TOPAZ1: variants seen among roughly 807,000 people sequenced by gnomAD.
TOPAZ1 encodes protein TOPAZ1.
Under a neutral mutation model 172.2 loss-of-function variants are expected in TOPAZ1, and 66 were observed. That is an observed-to-expected ratio of 0.38 (90% CI 0.31 to 0.47). The LOEUF is 0.47. Among genes scored for constraint, TOPAZ1 ranks in the 20% least tolerant of loss-of-function variants. The pLI, the probability that TOPAZ1 is intolerant of heterozygous loss-of-function variation, is 0.99. For synonymous variants in TOPAZ1, 681 were observed against 683.9 expected (o/e 1.00, Z 0.07); for missense variants, 1,822 against 1,972.4 (o/e 0.92, Z 1.44).
At chr3:44,269,410 C>G in intron 7 of TOPAZ1, 109 bp downstream of exon 7, 1 of 559,024 alleles carries the variant, frequency 1.8e-6, no homozygotes, top group South Asian at 2.1e-5. Flanking sequence ...TTTATCCTCC[C>G]CTTAAAAAAA....
At chr3:44,289,491 T>TA (rs1700113852) in intron 11 of TOPAZ1, among the ~76,000 whole-genome samples, 1 of 152,130 alleles carries the variant, frequency 6.6e-6, no homozygotes, top group Admixed American at 6.6e-5. Context: ...GATTTTTTTT[T>TA]ACCAAAACTA....
intron 19 of TOPAZ1, among the ~76,000 whole-genome samples, chr3:44,329,468 C>G (rs1700639880): frequency 6.6e-6 from 1 of 152,124 alleles, no homozygotes; most frequent in Admixed American, 6.6e-5. Flanking sequence ...CTAATTTCTC[C>G]CAGAATGAGT....
intron 16 of TOPAZ1, among the ~76,000 whole-genome samples, chr3:44,314,551 A>G: frequency 6.6e-6 from 1 of 152,070 alleles, no homozygotes; most frequent in Non-Finnish European, 1.5e-5. Flanking sequence ...CTGTATTTTT[A>G]ACTACTACAC....
chr3:44,272,438 TC>T lies in TOPAZ1; in HGVS notation c.3372+1629del, dbSNP rs536229443. Among the ~76,000 whole-genome samples, 11 of 152,370 alleles carry T rather than the reference TC, an allele frequency of 7.2e-5. No individual in the cohort carries two copies. The South Asian group carries it at 2.3e-3, about 32-fold the overall frequency. On this transcript the variant is annotated intron_variant, in intron 8 of 19. Transcript: ENST00000309765. ...TGTTTGTCTTTTTGATAATAGCCAT[TC>T]TGACAGATGTCAGGTAATATCTCAC...
chr3:44,284,450 T>C (rs1700056958), intron 9 of TOPAZ1, among the ~76,000 whole-genome samples: 1 of 152,240 alleles, frequency 6.6e-6, no homozygotes, highest in African/African-American at 2.4e-5. Flanking sequence ...TATCAGAATT[T>C]CCTTCCTTTT....
At chr3:44,287,901 A>AT (rs1035650761) in intron 11 of TOPAZ1, 62 bp downstream of exon 11, 7 of 794,510 alleles carry the variant, frequency 8.8e-6, no homozygotes, top group Non-Finnish European at 9.7e-6. Context: ...AATTGTTTCC[A>AT]TGGGGGGGTA....
intron 16 of TOPAZ1, among the ~76,000 whole-genome samples, chr3:44,316,975 A>G (rs140717721): frequency 1.1e-4 from 17 of 152,230 alleles, no homozygotes; most frequent in Admixed American, 2.6e-4. Flanking sequence ...ATATTTGTCT[A>G]TCCTCTCTCC....
rs1320092028 is a variant in TOPAZ1 at position 44,321,293 on chromosome 3, C to A, written c.4471+102C>A. On this transcript the variant is annotated intron_variant, in intron 17 of 19. Coordinates refer to ENST00000309765, the MANE Select transcript of TOPAZ1 (RefSeq NM_001145030.2). The stretch of plus-strand genomic sequence containing the variant: ...CCTGTTTTGATTGAGTTTTATATTC[C>A]AGCATATTTTTTAATGAAGTAGTTT... The A allele has an allele frequency of 1.6e-5, 13 of 800,278 alleles. No homozygotes were observed. In the Admixed American group the frequency reaches 3.5e-4, roughly 21 times the overall value. The allele number at this position is 800,278 out of a possible 1,614,324, so 49.6% of individuals were successfully genotyped here.
chr3:44,304,920 T>C (rs1033103368), intron 13 of TOPAZ1, among the ~76,000 whole-genome samples: 2 of 152,150 alleles, frequency 1.3e-5, no homozygotes, highest in African/African-American at 4.8e-5. Flanking sequence ...CAAATGTGCA[T>C]TGTTATTTGG....
chr3:44,316,079 A>T (rs774637192), intron 16 of TOPAZ1, among the ~76,000 whole-genome samples: 5 of 144,868 alleles, frequency 3.5e-5, no homozygotes, highest in Non-Finnish European at 7.6e-5. Flanking sequence ...TATGAAATTT[A>T]AAAAAAAAAA....
intron 16 of TOPAZ1, among the ~76,000 whole-genome samples, chr3:44,319,094 T>C (rs940800195): frequency 3.3e-5 from 5 of 151,990 alleles, no homozygotes; most frequent in Non-Finnish European, 7.4e-5. Context: ...GCTTGACCCC[T>C]TCCCCCACGG....
intron 19 of TOPAZ1, 124 bp from the exon 20 acceptor site, chr3:44,331,668 T>G: frequency 2.3e-6 from 2 of 858,806 alleles, no homozygotes; most frequent in Non-Finnish European, 3.6e-6. Flanking sequence ...TGAAAGCCAC[T>G]TTTAGAAGAA....
intron 5 of TOPAZ1, among the ~76,000 whole-genome samples, chr3:44,265,418 G>A (rs1032977229): frequency 4.6e-5 from 7 of 152,138 alleles, no homozygotes; most frequent in Admixed American, 1.3e-4. Flanking sequence ...TTAGCCAGGC[G>A]TGGTGGCGGG....
intron 12 of TOPAZ1, among the ~76,000 whole-genome samples, chr3:44,301,112 G>A (rs963874026): frequency 6.6e-6 from 1 of 152,184 alleles, no homozygotes; most frequent in South Asian, 2.1e-4. Flanking sequence ...ATTAGTGGTT[G>A]CCAGGGGACA....
chr3:44,269,638 G>A (rs1292728193), intron 7 of TOPAZ1, among the ~76,000 whole-genome samples: 2 of 147,762 alleles, frequency 1.4e-5, no homozygotes, highest in Non-Finnish European at 1.5e-5. Context: ...CCTTTTTTTT[G>A]AGACGGAGTC....
chr3:44,309,912 A>G lies in TOPAZ1; in HGVS notation c.4228A>G (p.Arg1410Gly). The change falls in exon 16 of 20, where the codon AGA becomes GGA. Residue 1410 changes from arginine to glycine, a missense_variant. Transcript: ENST00000309765. ...TATAGGGCCTGAGAAGTTAGCATCAAGATGTCAAATTGTGAATGTTGCAGC... is the reference window on the plus strand; with the variant it reads ...TATAGGGCCTGAGAAGTTAGCATCAGGATGTCAAATTGTGAATGTTGCAGC... ...GLIGPEKLAS[R>G]CQIVNVAAEI... 6.4e-7 allele frequency: 1 copy of G among 1,551,584 alleles called. No homozygotes were observed. Among genetic ancestry groups the G allele is most frequent in the Non-Finnish European group, 8.7e-7 (1 of 1,146,878 alleles).
At chr3:44,256,763 TAGTC>T (rs531996401) in intron 4 of TOPAZ1, among the ~76,000 whole-genome samples, 1 of 152,156 alleles carries the variant, frequency 6.6e-6, no homozygotes, top group Non-Finnish European at 1.5e-5. Flanking sequence ...TTTACAAAAT[TAGTC>T]AGTAATATTT....
intron 7 of TOPAZ1, 64 bp downstream of exon 7, chr3:44,269,365 C>A: frequency 1.1e-6 from 1 of 927,024 alleles, no homozygotes; most frequent in Non-Finnish European, 1.7e-6. Flanking sequence ...CCTCCTTCTC[C>A]TCCCTCCTCT....
At chr3:44,301,854 T>A (rs1012412741) in intron 12 of TOPAZ1, among the ~76,000 whole-genome samples, 2 of 152,190 alleles carry the variant, frequency 1.3e-5, no homozygotes, top group African/African-American at 4.8e-5. Flanking sequence ...AAAAGTTTTA[T>A]TTTTATGCAA....
Sources: allele counts gnomAD v4.1 joint callset (sites outside exome capture counted in the v4.1 genomes callset), GRCh38; gene constraint gnomAD v4.1.1; transcripts MANE v1.5; gene names NCBI Gene and HGNC (gene_info 2026-07-23, HGNC 2026-07-21).